Variants in PCDHGA1 observed in about 807,000 individuals in gnomAD.
PCDHGA1 encodes protocadherin gamma subfamily A, 1.
PCDHGA1 carries 32 observed loss-of-function variants against 58.0 expected under a neutral mutation model. That is an observed-to-expected ratio of 0.55 (90% CI 0.42 to 0.74). The LOEUF (loss-of-function observed/expected upper bound fraction) is 0.74. Ranked by LOEUF, PCDHGA1 falls within the 30% of genes least tolerant of loss-of-function variation. The pLI is 0.00. For synonymous variants in PCDHGA1, 498 were observed against 501.1 expected (o/e 0.99, Z 0.08); for missense variants, 1,205 against 1,182.3 (o/e 1.02, Z -0.28).
chr5:141,339,607 C>T, intron 1 of PCDHGA1: 1 of 1,614,186 alleles, frequency 6.2e-7, no homozygotes, highest in South Asian at 1.1e-5. Flanking sequence ...ACCTCGTTCT[C>T]GTGGCTTCTG....
chr5:141,453,116 GT>G (rs2098756689), intron 1 of PCDHGA1, among the ~76,000 whole-genome samples: 1 of 151,698 alleles, frequency 6.6e-6, no homozygotes, highest in Admixed American at 6.6e-5. Context: ...GTTTTGTTTT[GT>G]TTTGTTTTGT....
chr5:141,354,311 A>G (rs10214288), intron 1 of PCDHGA1, among the ~76,000 whole-genome samples: 21,563 of 152,160 alleles, frequency 0.14, 2,133 homozygotes, highest in African/African-American at 0.29. Context: ...TTTCATAAAA[A>G]TTACTACTCT....
chr5:141,392,741 C>T, intron 1 of PCDHGA1: 1 of 1,435,876 alleles, frequency 7.0e-7, no homozygotes. Context: ...ATCTCCATAG[C>T]TGCGGCAAGA....
Position 141,344,471 on chromosome 5 carries a change from G to T in PCDHGA1, c.2421+11366G>T, listed in dbSNP as rs751641174. On this transcript the variant is annotated intron_variant, in intron 1 of 3. Coordinates refer to ENST00000517417, the MANE Select transcript of PCDHGA1 (RefSeq NM_018912.3). ...TGGAAATAAAAATTGGTGAACTAAC[G>T]GTTCCTGGAACCCGATTTCCAATTA... 1.2e-5 allele frequency: 19 copies of T among 1,613,686 alleles called. No homozygotes were observed. In the African/African-American group the frequency reaches 1.7e-4, roughly 15 times the overall value.
Position 141,489,161 on chromosome 5 carries a change from A to T in PCDHGA1, c.2422-5646A>T. ...GCTGGAAGGAGACATAAGAGACTTC[A>T]GCTGCTGCATTCCAAGCCCTGGGTC... On this transcript the variant is annotated intron_variant, in intron 1 of 3. Coordinates refer to ENST00000517417, the MANE Select transcript of PCDHGA1 (RefSeq NM_018912.3). The surrounding 1 kb of genome is among the most constrained non-coding windows in gnomAD (Gnocchi z 4.5). 1.9e-6 allele frequency: 2 copies of T among 1,040,278 alleles called. No individual in the cohort carries two copies. The highest frequency in any genetic ancestry group is 2.8e-6 in the Non-Finnish European group (2 of 709,676). 64.4% of individuals were successfully genotyped at this position (1,040,278 alleles called of 1,614,324 possible).
At chr5:141,375,922 G>A (rs1772046633) in intron 1 of PCDHGA1, 5 of 1,613,646 alleles carry the variant, frequency 3.1e-6, no homozygotes, top group Admixed American at 1.7e-5. Context: ...AGGCCAGCGA[G>A]CCAGGACTTT....
chr5:141,404,772 G>T, intron 1 of PCDHGA1: 2 of 1,613,820 alleles, frequency 1.2e-6, no homozygotes, highest in African/African-American at 1.3e-5. Flanking sequence ...CTCTCCTACC[G>T]CCTATTCAAG....
At position 141,476,632 on chromosome 5, in the gene PCDHGA1, T is replaced by A. The variant is rs994726301; in HGVS notation, c.2422-18175T>A. ...TGGGAAGCAACTCTTTACAAACCTATGAGCTGAGCCGAAATGAATACTTTG... is the reference window on the plus strand; with the variant it reads ...TGGGAAGCAACTCTTTACAAACCTAAGAGCTGAGCCGAAATGAATACTTTG... On this transcript the variant is annotated intron_variant, in intron 1 of 3. Transcript: ENST00000517417. The surrounding 1 kb of genome is among the most constrained non-coding windows in gnomAD (Gnocchi z 7.6). 1 of 1,614,216 alleles carries A rather than the reference T, an allele frequency of 6.2e-7. No individual in the cohort carries two copies. The highest frequency in any genetic ancestry group is 8.5e-7 in the Non-Finnish European group (1 of 1,180,028).
At chr5:141,368,548 T>A (rs867089614) in intron 1 of PCDHGA1, among the ~76,000 whole-genome samples, 20 of 152,266 alleles carry the variant, frequency 1.3e-4, no homozygotes, top group African/African-American at 3.6e-4. Context: ...CCATTTTTTT[T>A]AAAAGAAAAT....
chr5:141,351,009 A>G (rs759181434), intron 1 of PCDHGA1: 41 of 1,613,964 alleles, frequency 2.5e-5, no homozygotes, highest in African/African-American at 2.7e-5. Flanking sequence ...AGCCTCCAAG[A>G]AAACGTACCG....
At chr5:141,463,738 G>A (rs1002263384) in intron 1 of PCDHGA1, among the ~76,000 whole-genome samples, 4 of 151,978 alleles carry the variant, frequency 2.6e-5, no homozygotes, top group Admixed American at 2.6e-4. Flanking sequence ...GAGCCACCGC[G>A]CCCGGCCTGC....
chr5:141,394,633 G>A (rs1026935408), intron 1 of PCDHGA1: 57 of 1,613,274 alleles, frequency 3.5e-5, no homozygotes, highest in Middle Eastern at 1.7e-4. Flanking sequence ...CTGTCCTACC[G>A]CCTGCTCAAG....
At chr5:141,407,261 C>G (rs1396861077) in intron 1 of PCDHGA1, among the ~76,000 whole-genome samples, 1 of 152,128 alleles carries the variant, frequency 6.6e-6, no homozygotes, top group Non-Finnish European at 1.5e-5. Flanking sequence ...TATTTTTAAC[C>G]ATGCAACAAG....
In PCDHGA1 at chr5:141,491,762, C is replaced by T. The variant is rs1162878124; in HGVS notation, c.2422-3045C>T. The T allele has an allele frequency of 6.4e-7, 1 of 1,572,596 alleles. No homozygotes were observed. The highest frequency in any genetic ancestry group is 1.4e-5 in the African/African-American group (1 of 73,308). ...GGCGGCACTGGAGAAGCCGCCCGTC[C>T]TCATAAGGGATTGAACTTGCATCCA... On this transcript the variant is annotated intron_variant, in intron 1 of 3. Transcript: ENST00000517417. The surrounding 1 kb of genome is among the most constrained non-coding windows in gnomAD (Gnocchi z 6.9).
chr5:141,362,035 G>A, intron 1 of PCDHGA1: 2 of 1,609,742 alleles, frequency 1.2e-6, no homozygotes, highest in South Asian at 1.1e-5. Flanking sequence ...TGCCTTGGGC[G>A]ACAGGGACGC....
intron 1 of PCDHGA1, chr5:141,478,905 G>T (rs1593970684): frequency 1.1e-6 from 1 of 930,214 alleles, no homozygotes; most frequent in East Asian, 2.7e-5. Flanking sequence ...GGAATAAGCT[G>T]CTGGATACCT....
At position 141,352,118 on chromosome 5, in the gene PCDHGA1, G is replaced by A. The variant is rs757676331; in HGVS notation, c.2421+19013G>A. The stretch of plus-strand genomic sequence containing the variant: ...GCTCTTCAGCCTGGGGTTGCGCACG[G>A]GTGAGGTGCGCACAGCGCGTGCCTT... On this transcript the variant is annotated intron_variant, in intron 1 of 3. Coordinates refer to ENST00000517417, the MANE Select transcript of PCDHGA1 (RefSeq NM_018912.3). The A allele has an allele frequency of 1.3e-5, 21 of 1,609,076 alleles. No individual in the cohort carries two copies. The East Asian group carries it at 3.8e-4, about 29-fold the overall frequency.
intron 1 of PCDHGA1, chr5:141,422,603 C>G: frequency 6.2e-7 from 1 of 1,614,078 alleles, no homozygotes; most frequent in Non-Finnish European, 8.5e-7. Context: ...TCCTCTTACT[C>G]TGCCTACATT....
chr5:141,331,697 T>G lies in PCDHGA1; in HGVS notation c.1013T>G (p.Leu338Trp), dbSNP rs763849063. ...AAAGTTAAGGTACTGATCAAAGTTT[T>G]GGATGTAAATGATAATGCCCCAGAA... ...MAKVKVLIKV[L>W]DVNDNAPEVT... is the part of the protein sequence containing the mutation. Residue 338 changes from leucine to tryptophan, a missense_variant, in exon 1 of 4, where the codon TTG becomes TGG. Physicochemically the swap from Leu to Trp is moderately conservative, Grantham distance 61. Coordinates refer to ENST00000517417, the MANE Select transcript of PCDHGA1 (RefSeq NM_018912.3). 1 of 1,613,930 alleles carries G rather than the reference T, an allele frequency of 6.2e-7. No homozygotes were observed. The highest frequency in any genetic ancestry group is 8.5e-7 in the Non-Finnish European group (1 of 1,180,026).
Sources: allele counts gnomAD v4.1 joint callset (sites outside exome capture counted in the v4.1 genomes callset), GRCh38; gene constraint gnomAD v4.1.1; non-coding constraint Gnocchi (gnomAD v3.1); transcripts MANE v1.5; gene names NCBI Gene and HGNC (gene_info 2026-07-23, HGNC 2026-07-21).